The following TRIM14 variants were observed in gnomAD, a reference collection of about 807,000 sequenced individuals.
TRIM14 encodes tripartite motif-containing protein 14.
TRIM14 carries 28 observed loss-of-function variants against 44.5 expected under a neutral mutation model. The observed-to-expected ratio is 0.63, with a 90% CI of 0.47 to 0.86. The LOEUF is 0.86. TRIM14 is among the 40% of genes least tolerant of loss of function. The pLI, the probability that TRIM14 is intolerant of heterozygous loss-of-function variation, is 0.00. For missense variants in TRIM14, 607 were observed against 611.1 expected (o/e 0.99, Z 0.07); for synonymous variants, 299 against 269.2 (o/e 1.11, Z -1.08).
rs1247022457 is a variant in TRIM14, at chr9:98,109,990, C to T, written c.208-6G>A. The T allele has an allele frequency of 9.3e-6, 15 of 1,612,752 alleles. No homozygotes were observed. The highest frequency in any genetic ancestry group is 1.3e-5 in the African/African-American group (1 of 74,820). On this transcript the variant is annotated splice_polypyrimidine_tract_variant and splice_region_variant and intron_variant, in intron 1 of 5. Coordinates refer to ENST00000341469, the MANE Select transcript of TRIM14 (RefSeq NM_014788.4). ...AAACATTCTTGGCTGAGTTTCTGTACAGGAGGGAGTTAGGAAAAAAGTCGT... is the reference window on the plus strand; with the variant it reads ...AAACATTCTTGGCTGAGTTTCTGTATAGGAGGGAGTTAGGAAAAAAGTCGT...
chr9:98,105,608 A>G (rs986198059), intron 2 of TRIM14, among the ~76,000 whole-genome samples: 1 of 152,168 alleles, frequency 6.6e-6, no homozygotes, highest in East Asian at 1.9e-4. Flanking sequence ...AAAAAAACAA[A>G]CAAACAAAGT....
At chr9:98,047,199 G>C in the TRIM14 span, among the ~76,000 whole-genome samples, 1 of 152,120 alleles carries the variant, frequency 6.6e-6, no homozygotes, top group Non-Finnish European at 1.5e-5. Flanking sequence ...GTTTTTATAA[G>C]GGGAAATCCC....
chr9:98,093,141 C>T (rs1193120984), intron 4 of TRIM14, among the ~76,000 whole-genome samples: 1 of 152,142 alleles, frequency 6.6e-6, no homozygotes. Context: ...TGACAGTTTC[C>T]TTCTGCGAGT....
intron 5 of TRIM14, among the ~76,000 whole-genome samples, chr9:98,091,630 T>C (rs1564175272): frequency 1.3e-5 from 2 of 152,178 alleles, no homozygotes; most frequent in Non-Finnish European, 2.9e-5. Context: ...ATATTAGATG[T>C]GCTAAAAAAG....
chr9:98,081,232 C>A, downstream of TRIM14: 1 of 1,029,528 alleles, frequency 9.7e-7, no homozygotes, highest in Non-Finnish European at 1.4e-6. Flanking sequence ...CTTCTTCAGG[C>A]TTCTCTTCAG....
the TRIM14 span, among the ~76,000 whole-genome samples, chr9:98,036,258 T>TGGGA: frequency 4.6e-5 from 7 of 151,596 alleles, no homozygotes; most frequent in African/African-American, 1.7e-4. Context: ...GCCAGCACTT[T>TGGGA]GGGAGGCCGA....
At chr9:98,112,635 C>A (rs1313061817) in intron 1 of TRIM14, among the ~76,000 whole-genome samples, 2 of 151,672 alleles carry the variant, frequency 1.3e-5, no homozygotes, top group Non-Finnish European at 1.5e-5. Flanking sequence ...CCCGTCTCTA[C>A]TAAAAATACA....
downstream of TRIM14, chr9:98,082,856 CTG>C (rs1366099966): frequency 1.2e-6 from 2 of 1,613,968 alleles, no homozygotes; most frequent in South Asian, 1.1e-5. Context: ...CTGGGCAAGT[CTG>C]TGGTGGCCAA....
At chr9:98,076,888 G>C in intron 6 of TRIM14, 1 of 1,564,442 alleles carries the variant, frequency 6.4e-7, no homozygotes, top group Non-Finnish European at 8.8e-7. Context: ...GGACAATGGT[G>C]AAAAGGAGCT....
chr9:98,111,400 C>A (rs2118642942), intron 1 of TRIM14, among the ~76,000 whole-genome samples: 1 of 151,290 alleles, frequency 6.6e-6, no homozygotes, highest in Middle Eastern at 3.4e-3. Flanking sequence ...TAGCTAGACC[C>A]CATTTTTACC....
chr9:98,041,327 T>C, the TRIM14 span, among the ~76,000 whole-genome samples: 2 of 152,094 alleles, frequency 1.3e-5, no homozygotes, highest in African/African-American at 4.8e-5. Context: ...CAATTTTTTC[T>C]CTCTCCATTC....
rs767223604 is a variant in TRIM14, at chr9:98,088,015, G to A, written c.794-10C>T. 1 of 1,509,966 alleles carries A rather than the reference G, an allele frequency of 6.6e-7. No homozygotes were observed. The highest frequency in any genetic ancestry group is 1.4e-5 in the African/African-American group (1 of 69,336). 93.5% of individuals were successfully genotyped at this position (1,509,966 alleles called of 1,614,324 possible). A position where few individuals can be genotyped will look rare whatever the true frequency, so the allele number is the denominator to read the frequency against. Reference sequence around the variant, plus strand: ...GTGGGCGTGCGCGCGTCTGCAGGGGGCGAGACAAGGGACGCACCTGGTGGG... The same window carrying A: ...GTGGGCGTGCGCGCGTCTGCAGGGGACGAGACAAGGGACGCACCTGGTGGG... On this transcript the variant is annotated splice_polypyrimidine_tract_variant and intron_variant, in intron 5 of 5. Transcript: ENST00000341469.
At chr9:98,036,328 C>T in the TRIM14 span, among the ~76,000 whole-genome samples, 2 of 151,452 alleles carry the variant, frequency 1.3e-5, no homozygotes, top group Admixed American at 6.6e-5. Context: ...TGGTGAAAAC[C>T]CATCTCTACT....
At chr9:98,088,350 CTT>C (rs386415586) in intron 5 of TRIM14, among the ~76,000 whole-genome samples, 3 of 145,338 alleles carry the variant, frequency 2.1e-5, no homozygotes, top group Non-Finnish European at 3.0e-5. Flanking sequence ...TATAGCTTTT[CTT>C]TTTCTTTTTT....
At chr9:98,054,693 C>A in the TRIM14 span, among the ~76,000 whole-genome samples, 2 of 152,270 alleles carry the variant, frequency 1.3e-5, no homozygotes, top group East Asian at 3.9e-4. Flanking sequence ...ACATATTGGG[C>A]TAGTAGTGCC....
chr9:98,043,848 G>C, the TRIM14 span, among the ~76,000 whole-genome samples: 1 of 151,830 alleles, frequency 6.6e-6, no homozygotes, highest in African/African-American at 2.4e-5. Flanking sequence ...GTGGACCTTT[G>C]GGCTCTTTTT....
chr9:98,070,351 C>T (rs1829286117), intron 6 of TRIM14, among the ~76,000 whole-genome samples: 1 of 152,140 alleles, frequency 6.6e-6, no homozygotes, highest in Non-Finnish European at 1.5e-5. Flanking sequence ...CTCCTGACCT[C>T]AGGTGATCTG....
At chr9:98,109,488 T>A (rs1003875210) in intron 2 of TRIM14, among the ~76,000 whole-genome samples, 2 of 152,218 alleles carry the variant, frequency 1.3e-5, no homozygotes, top group African/African-American at 4.8e-5. Context: ...GTGGAACAGA[T>A]CTTACCCTAC....
chr9:98,112,323 A>G (rs1182226212), intron 1 of TRIM14, among the ~76,000 whole-genome samples: 1 of 152,202 alleles, frequency 6.6e-6, no homozygotes, highest in Non-Finnish European at 1.5e-5. Flanking sequence ...TTTCTTTTGC[A>G]TGAGAGAGAA....
Sources: gnomAD v4.1 joint callset for allele counts (sites outside exome capture counted in the v4.1 genomes callset) on GRCh38, gnomAD v4.1.1 for gene constraint, MANE v1.5 for transcripts, NCBI Gene and HGNC (gene_info 2026-07-23, HGNC 2026-07-21) for gene names.